Variants in GPHN observed in about 807,000 individuals in gnomAD.
GPHN encodes the protein gephyrin.
GPHN carries 17 observed loss-of-function variants against 95.5 expected under a neutral mutation model. The observed-to-expected ratio is 0.18, with a 90% confidence interval of 0.12 to 0.27. The LOEUF is 0.27. GPHN is among the 10% of genes least tolerant of loss of function. The pLI, the probability that GPHN is intolerant of heterozygous loss-of-function variation, is 1.00. For missense variants in GPHN, 660 were observed against 978.1 expected (o/e 0.67, Z 4.34); for synonymous variants, 320 against 322.5 (o/e 0.99, Z 0.08).
At chr14:66,512,985 G>GT (rs931418828) in intron 1 of GPHN, among the ~76,000 whole-genome samples, 28 of 151,374 alleles carry the variant, frequency 1.8e-4, no homozygotes, top group African/African-American at 6.5e-4. Flanking sequence ...TAACTTAGCT[G>GT]TTTTTTTAAT....
the GPHN span, chr14:67,648,395 G>A: frequency 1.4e-5 from 6 of 416,486 alleles, no homozygotes; most frequent in South Asian, 1.6e-4. Flanking sequence ...ATTACACTAA[G>A]GTAATAATGA....
chr14:66,923,658 T>G (rs1441662811), intron 7 of GPHN, among the ~76,000 whole-genome samples: 2 of 152,146 alleles, frequency 1.3e-5, no homozygotes, highest in African/African-American at 4.8e-5. Flanking sequence ...TGCCTTAATA[T>G]CTACAGAAAG....
intron 21 of GPHN, among the ~76,000 whole-genome samples, chr14:67,175,334 A>C (rs1324381229): frequency 6.6e-6 from 1 of 152,214 alleles, no homozygotes; most frequent in African/African-American, 2.4e-5. Context: ...ATAAATAGGG[A>C]ATCCTTTCCC....
At chr14:66,716,600 A>AT (rs528683344) in intron 2 of GPHN, among the ~76,000 whole-genome samples, 7 of 151,926 alleles carry the variant, frequency 4.6e-5, no homozygotes, top group Middle Eastern at 3.4e-3. Context: ...TTTAAATTGT[A>AT]TTTTTTATAG....
At chr14:67,450,110 CTTTT>C in the GPHN span, 2 of 147,048 alleles carry the variant, frequency 1.4e-5, no homozygotes, top group Non-Finnish European at 1.5e-5. Context: ...TGCACAATCT[CTTTT>C]TTTTTTTTTG....
chr14:67,686,348 G>A, the GPHN span: 1 of 152,176 alleles, frequency 6.6e-6, no homozygotes, highest in Non-Finnish European at 1.5e-5. Context: ...TTAAAAGAGT[G>A]CCTGATGCAG....
At position 66,852,390 on chromosome 14, in the gene GPHN, T is replaced by TGCGTGC. The variant is rs537863773; in HGVS notation, c.295-27537_295-27532dup. On this transcript the variant is annotated intron_variant, in intron 4 of 22. Coordinates refer to ENST00000478722, the MANE Select transcript of GPHN (RefSeq NM_020806.5). Reference sequence around the variant, plus strand: ...GAGGAGGGAAAAAAATGTGTGTGTGTGCGTGCGCGTGCGCGTGTTCACCTG... The same window carrying TGCGTGC: ...GAGGAGGGAAAAAAATGTGTGTGTGTGCGTGCGCGTGCGCGTGCGCGTGTTCACCTG... 3.3e-5 allele frequency among the ~76,000 whole-genome samples: 5 copies of TGCGTGC among 152,332 alleles called. No individual in the cohort carries two copies. In the South Asian group the frequency reaches 6.2e-4, roughly 19 times the overall value.
intron 1 of GPHN, among the ~76,000 whole-genome samples, chr14:66,511,357 T>A (rs891474956): frequency 2.0e-5 from 3 of 152,164 alleles, no homozygotes; most frequent in Non-Finnish European, 2.9e-5. Flanking sequence ...TTTTGTAAAT[T>A]ATTATTTGTG....
intron 9 of GPHN, among the ~76,000 whole-genome samples, chr14:66,995,480 C>T (rs917370045): frequency 2.0e-5 from 3 of 152,144 alleles, no homozygotes; most frequent in Admixed American, 2.0e-4. Flanking sequence ...ACAACTCTTT[C>T]TGATTGTAAG....
chr14:67,591,408 T>C, the GPHN span, among the ~76,000 whole-genome samples: 1 of 152,234 alleles, frequency 6.6e-6, no homozygotes, highest in African/African-American at 2.4e-5. Context: ...TGAATTACAA[T>C]GCAAAATAAT....
the GPHN span, among the ~76,000 whole-genome samples, chr14:67,280,839 CCTTCCT>C: frequency 8.8e-4 from 120 of 135,986 alleles, 1 homozygote; most frequent in Admixed American, 1.2e-3. Flanking sequence ...TTCCTTCCTT[CCTTCCT>C]TCCTTCCTTC....
chr14:66,967,304 G>A (rs537432849), intron 9 of GPHN, among the ~76,000 whole-genome samples: 19 of 151,908 alleles, frequency 1.3e-4, no homozygotes, highest in African/African-American at 3.9e-4. Flanking sequence ...TGGAAATAAC[G>A]TTTAAAAAAT....
chr14:66,835,836 T>C (rs1176047757), intron 4 of GPHN, among the ~76,000 whole-genome samples: 2 of 151,958 alleles, frequency 1.3e-5, no homozygotes, highest in Admixed American at 1.3e-4. Context: ...TGAACTCCCA[T>C]TCACAATTGC....
intron 3 of GPHN, among the ~76,000 whole-genome samples, chr14:66,783,491 T>G (rs78105801): frequency 0.015 from 2,342 of 152,274 alleles, 32 homozygotes; most frequent in Non-Finnish European, 0.018. Flanking sequence ...CCATTCAGTA[T>G]CAGTGAGACT....
At chr14:67,182,924 C>T (rs559162735), downstream of GPHN, among the ~76,000 whole-genome samples, 1 of 144,700 alleles carries the variant, frequency 6.9e-6, no homozygotes, top group South Asian at 2.3e-4. Context: ...TAGTGCACTA[C>T]AGCCTCGAAC....
At chr14:67,303,531 C>T in the GPHN span, 1 of 1,612,514 alleles carries the variant, frequency 6.2e-7, no homozygotes, top group Non-Finnish European at 8.5e-7. Flanking sequence ...GTCTGATATG[C>T]ATGGTACTTT....
At chr14:66,514,269 A>C (rs2058153047) in intron 1 of GPHN, among the ~76,000 whole-genome samples, 1 of 152,042 alleles carries the variant, frequency 6.6e-6, no homozygotes, top group Non-Finnish European at 1.5e-5. Context: ...ATTTCAAGTG[A>C]GCCCATTATA....
the GPHN span, among the ~76,000 whole-genome samples, chr14:67,598,985 C>T: frequency 4.6e-5 from 7 of 152,308 alleles, no homozygotes; most frequent in East Asian, 1.3e-3. Flanking sequence ...GCTGGGATTA[C>T]AGGCGTGAGG....
At chr14:66,534,301 TCTC>T (rs1341673008) in intron 1 of GPHN, among the ~76,000 whole-genome samples, 1 of 152,102 alleles carries the variant, frequency 6.6e-6, no homozygotes. Flanking sequence ...AATATCCACT[TCTC>T]CTGTCACTCC....
Sources: allele counts gnomAD v4.1 joint callset (sites outside exome capture counted in the v4.1 genomes callset), GRCh38; gene constraint gnomAD v4.1.1; transcripts MANE v1.5; gene names NCBI Gene and HGNC (gene_info 2026-07-23, HGNC 2026-07-21).